Variants in LDB2 observed in about 807,000 individuals in gnomAD.
LDB2 encodes the protein LIM domain binding 2.
In LDB2, 12 loss-of-function variants were observed where a neutral mutation model predicts 44.3. The ratio of observed to expected loss-of-function variants is 0.27; its 90% CI spans 0.17 to 0.44. LDB2 has a LOEUF of 0.44. Among genes scored for constraint, LDB2 ranks in the 20% least tolerant of loss-of-function variants. The pLI is 1.00. For missense variants in LDB2, 344 were observed against 473.5 expected (o/e 0.73, Z 2.54); for synonymous variants, 164 against 174.8 (o/e 0.94, Z 0.49).
intron 5 of LDB2, among the ~76,000 whole-genome samples, chr4:16,525,843 A>G (rs548386280): frequency 3.9e-5 from 6 of 152,228 alleles, no homozygotes; most frequent in Non-Finnish European, 7.3e-5. Context: ...TACCTTGGCT[A>G]AAGCCACTGA....
intron 2 of LDB2, among the ~76,000 whole-genome samples, chr4:16,650,758 A>G (rs561751639): frequency 6.6e-5 from 10 of 152,156 alleles, no homozygotes; most frequent in Non-Finnish European, 1.5e-4. Flanking sequence ...TCCTGCTGCC[A>G]TTTCAGTTCA....
chr4:16,504,407 A>C (rs1438673365), intron 7 of LDB2, among the ~76,000 whole-genome samples: 4 of 152,236 alleles, frequency 2.6e-5, no homozygotes, highest in African/African-American at 9.6e-5. Flanking sequence ...TTTCTGACTA[A>C]TCATTCTTGT....
At chr4:16,793,773 A>G (rs1184761153) in intron 1 of LDB2, among the ~76,000 whole-genome samples, 1 of 152,178 alleles carries the variant, frequency 6.6e-6, no homozygotes, top group Non-Finnish European at 1.5e-5. Context: ...AGCTGTATAG[A>G]ACATCAATCT....
chr4:16,759,118 C>T, intron 2 of LDB2, 40 bp downstream of exon 2: 4 of 1,436,538 alleles, frequency 2.8e-6, no homozygotes, highest in Non-Finnish European at 3.9e-6. Context: ...CTTACAGGCA[C>T]AAAACGAGGT....
intron 2 of LDB2, among the ~76,000 whole-genome samples, chr4:16,673,059 T>G (rs2152560091): frequency 6.6e-6 from 1 of 152,198 alleles, no homozygotes; most frequent in African/African-American, 2.4e-5. Context: ...TCCATCCTTC[T>G]TTTCTTTCAC....
rs1010066869 is a variant in LDB2 at position 16,557,498 on chromosome 4, C to T, written c.615+28424G>A. On this transcript the variant is annotated intron_variant, in intron 5 of 7. Coordinates refer to ENST00000304523, the MANE Select transcript of LDB2 (RefSeq NM_001290.5). ...AGATCAAACTGCAAGGCGGCGGCAG[C>T]GAGGCTGGGGGAGGGGCGCCTGCCA... is the stretch of plus-strand genomic sequence containing the variant. Among the ~76,000 whole-genome samples the T allele has an allele frequency of 1.4e-4, 22 of 152,314 alleles. No individual in the cohort carries two copies. The East Asian group carries it at 1.5e-3, about 11-fold the overall frequency.
At chr4:16,809,932 C>T (rs954846544) in intron 1 of LDB2, among the ~76,000 whole-genome samples, 4 of 152,168 alleles carry the variant, frequency 2.6e-5, no homozygotes, top group Admixed American at 6.5e-5. Flanking sequence ...ACAAGTACTG[C>T]ACATATTGAT....
intron 5 of LDB2, among the ~76,000 whole-genome samples, chr4:16,522,276 T>TTGTGTGTGTGTG (rs139556977): frequency 6.7e-6 from 1 of 150,234 alleles, no homozygotes; most frequent in Non-Finnish European, 1.5e-5. Context: ...GTGTGTGTGT[T>TTGTGTGTGTGTG]TGTGTGTGTG....
intron 1 of LDB2, among the ~76,000 whole-genome samples, chr4:16,781,159 C>A (rs758139173): frequency 1.3e-5 from 2 of 152,108 alleles, no homozygotes; most frequent in East Asian, 3.9e-4. Context: ...TGGAGGGAAG[C>A]CTCAGAAGAA....
intron 1 of LDB2, among the ~76,000 whole-genome samples, chr4:16,867,142 T>A (rs1456727032): frequency 2.6e-5 from 4 of 152,118 alleles, no homozygotes; most frequent in Non-Finnish European, 5.9e-5. Context: ...GGAGCCAACA[T>A]CAACTGCCAG....
chr4:16,797,057 G>C (rs1055259309), intron 1 of LDB2, among the ~76,000 whole-genome samples: 1 of 152,140 alleles, frequency 6.6e-6, no homozygotes, highest in Non-Finnish European at 1.5e-5. Flanking sequence ...ATAAAGTGTG[G>C]AGTTTAGCTA....
intron 1 of LDB2, among the ~76,000 whole-genome samples, chr4:16,880,986 C>T (rs1376398462): frequency 6.6e-6 from 1 of 151,864 alleles, no homozygotes; most frequent in Non-Finnish European, 1.5e-5. Flanking sequence ...TGCTATGACT[C>T]TCACAGTGGT....
intron 5 of LDB2, among the ~76,000 whole-genome samples, chr4:16,563,511 C>T (rs1280902362): frequency 4.4e-5 from 4 of 90,402 alleles, no homozygotes; most frequent in African/African-American, 9.9e-5. Context: ...TGCAGTGGCA[C>T]GATCTCGGCT....
At position 16,739,705 on chromosome 4, in the gene LDB2, T is replaced by TATATATAC. The variant is rs1762792741; in HGVS notation, c.235+19452_235+19453insGTATATAT. Among the ~76,000 whole-genome samples the TATATATAC allele has an allele frequency of 1.3e-4, 11 of 83,566 alleles. 1 individual carries two copies. The highest frequency in any genetic ancestry group is 4.5e-4 in the African/African-American group (9 of 20,036). 54.8% of individuals were successfully genotyped at this position (83,566 alleles called of 152,430 possible). On this transcript the variant is annotated intron_variant, in intron 2 of 7. Transcript: ENST00000304523. ...GTATATATGTATATATACATATATG[T>TATATATAC]GTATATATGTATATATACATATATG...
intron 2 of LDB2, among the ~76,000 whole-genome samples, chr4:16,688,576 T>A (rs1226167695): frequency 6.6e-6 from 1 of 152,258 alleles, no homozygotes; most frequent in Non-Finnish European, 1.5e-5. Context: ...TGGGATCTGA[T>A]AATAATAAAT....
intron 3 of LDB2, among the ~76,000 whole-genome samples, chr4:16,591,890 C>G (rs1006358186): frequency 6.7e-6 from 1 of 149,358 alleles, no homozygotes; most frequent in African/African-American, 2.5e-5. Flanking sequence ...TTTTTTAAAG[C>G]TGCCTTTCAC....
intron 1 of LDB2, among the ~76,000 whole-genome samples, chr4:16,844,246 T>TA (rs1786477291): frequency 2.1e-5 from 1 of 47,504 alleles, no homozygotes; most frequent in Admixed American, 3.8e-4. Flanking sequence ...ACACCCTGTC[T>TA]CCAAAAAAAA....
intron 1 of LDB2, among the ~76,000 whole-genome samples, chr4:16,859,811 C>T (rs1009679508): frequency 2.6e-5 from 4 of 152,134 alleles, no homozygotes; most frequent in African/African-American, 4.8e-5. Flanking sequence ...AGACACATTT[C>T]GTAATGAAAT....
chr4:16,688,941 A>C (rs1560887302), intron 2 of LDB2, among the ~76,000 whole-genome samples: 1 of 152,268 alleles, frequency 6.6e-6, no homozygotes, highest in Non-Finnish European at 1.5e-5. Flanking sequence ...AATAAACAAC[A>C]ACAATAACAA....
Sources: gnomAD v4.1 joint callset for allele counts (sites outside exome capture counted in the v4.1 genomes callset) on GRCh38, gnomAD v4.1.1 for gene constraint, MANE v1.5 for transcripts, NCBI Gene and HGNC (gene_info 2026-07-23, HGNC 2026-07-21) for gene names.